RTN1: variants seen among roughly 807,000 people sequenced by gnomAD.
RTN1 encodes reticulon 1, also known as reticulon-1.
A neutral mutation model predicts 65.5 loss-of-function variants in RTN1; 25 were observed. That is an observed-to-expected ratio of 0.38 (90% CI 0.28 to 0.53). The LOEUF (loss-of-function observed/expected upper bound fraction) is 0.53, where lower values mean the gene tolerates loss of function less well. RTN1 is among the 20% of genes least tolerant of loss of function. RTN1 has a pLI of 0.79. For missense variants in RTN1, 983 were observed against 1,025.4 expected, an observed-to-expected ratio of 0.96 and a Z score of 0.57; for synonymous variants, 471 against 447.6, an observed-to-expected ratio of 1.05 and a Z score of -0.66.
intron 1 of RTN1, among the ~76,000 whole-genome samples, chr14:59,819,590 T>C (rs1886899812): frequency 6.6e-6 from 1 of 151,950 alleles, no homozygotes; most frequent in Non-Finnish European, 1.5e-5. Context: ...AGTTCTGCGC[T>C]GCGCGACCAC....
chr14:59,789,846 T>C (rs576986243), intron 1 of RTN1, among the ~76,000 whole-genome samples: 23 of 152,072 alleles, frequency 1.5e-4, no homozygotes, highest in African/African-American at 5.3e-4. Flanking sequence ...AATAAAGAAC[T>C]GATAGGTATC....
In RTN1 at chr14:59,726,899, C is replaced by G. The variant is rs1345435187; in HGVS notation, c.1765+20G>C. On this transcript the variant is annotated intron_variant, in intron 3 of 8. Coordinates refer to ENST00000267484, the MANE Select transcript of RTN1 (RefSeq NM_021136.3). ...CAGAGGGAGGACACTAACCAAGCAT[C>G]CCTGCTTGGGATCCTTTACCTTTTT... 6.3e-7 allele frequency: 1 copy of G among 1,598,248 alleles called. No homozygotes were observed.
chr14:59,607,619 T>A, intron 3 of RTN1, 127 bp from the exon 4 acceptor site: 1 of 758,356 alleles, frequency 1.3e-6, no homozygotes, highest in Non-Finnish European at 2.3e-6. Context: ...TAAACACAAG[T>A]GAGCAGACAG....
At chr14:59,863,766 G>T (rs576323707) in intron 1 of RTN1, among the ~76,000 whole-genome samples, 2 of 152,244 alleles carry the variant, frequency 1.3e-5, no homozygotes, top group East Asian at 3.9e-4. Flanking sequence ...CCAAACTCCT[G>T]TTTTTTCCCT....
intron 3 of RTN1, among the ~76,000 whole-genome samples, chr14:59,695,874 T>C (rs1884053300): frequency 6.6e-6 from 1 of 151,998 alleles, no homozygotes; most frequent in Non-Finnish European, 1.5e-5. Flanking sequence ...CACACACATA[T>C]CAGAAAGATT....
intron 2 of RTN1, among the ~76,000 whole-genome samples, chr14:59,743,753 C>T (rs948754403): frequency 6.6e-6 from 1 of 152,082 alleles, no homozygotes; most frequent in African/African-American, 2.4e-5. Context: ...CTGAGAGTCA[C>T]CTGTGGTCCC....
intron 1 of RTN1, among the ~76,000 whole-genome samples, chr14:59,750,185 A>ATAT (rs1566713268): frequency 4.6e-5 from 1 of 21,896 alleles, no homozygotes; most frequent in Non-Finnish European, 6.8e-5. Flanking sequence ...AATATATAAT[A>ATAT]CATATATTAT....
chr14:59,671,102 G>A (rs1166806500), intron 3 of RTN1, among the ~76,000 whole-genome samples: 1 of 152,170 alleles, frequency 6.6e-6, no homozygotes, highest in African/African-American at 2.4e-5. Flanking sequence ...GGTACATATG[G>A]AAGTGTACAT....
chr14:59,749,286 A>G (rs1254775748), intron 1 of RTN1, among the ~76,000 whole-genome samples: 1 of 67,030 alleles, frequency 1.5e-5, no homozygotes. Flanking sequence ...ATCTATATAT[A>G]TCTATATATA....
At chr14:59,753,105 T>C (rs569279225) in intron 1 of RTN1, among the ~76,000 whole-genome samples, 1 of 152,322 alleles carries the variant, frequency 6.6e-6, no homozygotes, top group East Asian at 1.9e-4. Context: ...TGTAACAGAA[T>C]CAATATAATT....
chr14:59,657,375 C>T (rs1883143541), intron 3 of RTN1, among the ~76,000 whole-genome samples: 1 of 152,226 alleles, frequency 6.6e-6, no homozygotes, highest in Non-Finnish European at 1.5e-5. Context: ...CGCTACTGCA[C>T]TGCAGCCTGG....
chr14:59,736,241 C>G (rs947517247), intron 2 of RTN1, among the ~76,000 whole-genome samples: 2 of 151,914 alleles, frequency 1.3e-5, no homozygotes, highest in Admixed American at 6.6e-5. Context: ...AATCTAGGAG[C>G]TGTTTTTTTA....
chr14:59,750,458 T>C (rs1315859194), intron 1 of RTN1, among the ~76,000 whole-genome samples: 1 of 41,890 alleles, frequency 2.4e-5, no homozygotes, highest in Non-Finnish European at 3.7e-5. Flanking sequence ...CTATAATATA[T>C]ATATCTATAA....
chr14:59,729,053 G>A (rs1253952779), intron 2 of RTN1, among the ~76,000 whole-genome samples: 1 of 152,154 alleles, frequency 6.6e-6, no homozygotes, highest in Non-Finnish European at 1.5e-5. Context: ...ATTTTAAATA[G>A]GGGAGTCCGT....
chr14:59,862,249 C>T (rs1230452169), intron 1 of RTN1, among the ~76,000 whole-genome samples: 1 of 152,184 alleles, frequency 6.6e-6, no homozygotes, highest in African/African-American at 2.4e-5. Context: ...GAATCCTAGG[C>T]CATTATGTCC....
chr14:59,824,476 A>G (rs1886996524), intron 1 of RTN1, among the ~76,000 whole-genome samples: 1 of 152,216 alleles, frequency 6.6e-6, no homozygotes, highest in Non-Finnish European at 1.5e-5. Flanking sequence ...ATTCACAATC[A>G]TTTCCTAAAA....
chr14:59,667,284 G>A (rs1035291027), intron 3 of RTN1, among the ~76,000 whole-genome samples: 1 of 152,138 alleles, frequency 6.6e-6, no homozygotes, highest in African/African-American at 2.4e-5. Flanking sequence ...CTTCATCACT[G>A]GGATGCAAGG....
chr14:59,714,540 G>A (rs1486265940), intron 3 of RTN1, among the ~76,000 whole-genome samples: 1 of 152,140 alleles, frequency 6.6e-6, no homozygotes, highest in Non-Finnish European at 1.5e-5. Context: ...AGCCTTGAAG[G>A]AGGAAAAGGC....
At chr14:59,830,325 G>A (rs551736577) in intron 1 of RTN1, among the ~76,000 whole-genome samples, 2 of 152,318 alleles carry the variant, frequency 1.3e-5, no homozygotes, top group East Asian at 1.9e-4. Context: ...TAAGATTATC[G>A]AACAGCAAGC....
Sources: allele counts gnomAD v4.1 joint callset (sites outside exome capture counted in the v4.1 genomes callset), GRCh38; gene constraint gnomAD v4.1.1; transcripts MANE v1.5; gene names NCBI Gene and HGNC (gene_info 2026-07-23, HGNC 2026-07-21).